Variants in OTC observed in about 807,000 individuals in gnomAD.
The protein encoded by OTC is ornithine transcarbamylase, also known as ornithine transcarbamylase, mitochondrial.
Under a neutral mutation model 30.3 loss-of-function variants are expected in OTC, and 3 were observed. The observed-to-expected ratio is 0.10, with a 90% CI of 0.05 to 0.26. The LOEUF is 0.26. OTC is among the 10% of genes least tolerant of loss of function. OTC has a pLI of 1.00. For missense variants in OTC, 194 were observed against 260.3 expected (o/e 0.75, Z 1.75); for synonymous variants, 111 against 99.7 (o/e 1.11, Z -0.67).
chrX:38,332,574 T>C, the OTC span, among the ~76,000 whole-genome samples: 1 of 96,535 alleles, frequency 1.0e-5, no homozygotes, highest in East Asian at 3.3e-4. Flanking sequence ...AAGGTGGTTG[T>C]GAAATATTAG....
At chrX:38,344,979 TGGA>T in the OTC span, among the ~76,000 whole-genome samples, 2 of 110,306 alleles carry the variant, frequency 1.8e-5, no homozygotes, top group Non-Finnish European at 3.8e-5. Flanking sequence ...AGTCTAAGGC[TGGA>T]GGACTGTTCA....
the OTC span, among the ~76,000 whole-genome samples, chrX:38,340,459 G>GTT: frequency 0.05 from 3,041 of 60,276 alleles, 102 homozygotes; most frequent in Non-Finnish European, 0.075. Context: ...TTGTTTTTTT[G>GTT]TTTTTTTTTT....
the OTC span, among the ~76,000 whole-genome samples, chrX:38,332,332 A>G: frequency 9.5e-6 from 1 of 105,278 alleles, no homozygotes; most frequent in African/African-American, 3.5e-5. Context: ...TAAAGTGCAC[A>G]ATGAATGTAA....
At chrX:38,350,215 G>T (rs749196439), upstream of OTC, among the ~76,000 whole-genome samples, 1 of 111,562 alleles carries the variant, frequency 9.0e-6, no homozygotes, top group Admixed American at 9.5e-5. Context: ...TGGGGTCAGA[G>T]AGCAGAGACA....
intron 4 of OTC, among the ~76,000 whole-genome samples, chrX:38,385,622 C>T (rs894007254): frequency 3.4e-4 from 38 of 111,353 alleles, no homozygotes; most frequent in African/African-American, 1.1e-3. Context: ...AGAAGGGAAG[C>T]CATTAATGTT....
At chrX:38,346,364 T>C in the OTC span, among the ~76,000 whole-genome samples, 2 of 112,318 alleles carry the variant, frequency 1.8e-5, no homozygotes, top group South Asian at 3.7e-4. Context: ...TGCAAAATGG[T>C]ATATTAACTC....
At chrX:38,364,040 G>A (rs1268843098) in intron 1 of OTC, among the ~76,000 whole-genome samples, 2 of 110,308 alleles carry the variant, frequency 1.8e-5, no homozygotes, top group East Asian at 2.8e-4. Context: ...GCAGGAAAAT[G>A]TCCTGAAACT....
intron 1 of OTC, among the ~76,000 whole-genome samples, chrX:38,356,634 G>A (rs775095142): frequency 4.9e-4 from 54 of 111,312 alleles, no homozygotes; most frequent in Non-Finnish European, 9.2e-4. Flanking sequence ...TCCTCCCAGT[G>A]TGCAGGTGGG....
At chrX:38,352,890 T>C (rs1376793244) in intron 1 of OTC, 117 bp downstream of exon 1, 3 of 554,447 alleles carry the variant, frequency 5.4e-6, no homozygotes, top group Admixed American at 2.6e-5. Context: ...TTTACTCTTA[T>C]TTGAGACAGC....
intron 2 of OTC, 65 bp downstream of exon 2, chrX:38,367,494 CAAAG>C: frequency 1.0e-6 from 1 of 988,913 alleles, no homozygotes; most frequent in Non-Finnish European, 1.4e-6. Context: ...GCAGCCTTCC[CAAAG>C]AAAGAGGGAA....
intron 4 of OTC, among the ~76,000 whole-genome samples, chrX:38,386,108 C>T: frequency 9.3e-6 from 1 of 107,848 alleles, no homozygotes; most frequent in Non-Finnish European, 1.9e-5. Context: ...GATGCAGTGG[C>T]TCATGCCTGT....
the OTC span, among the ~76,000 whole-genome samples, chrX:38,328,670 T>C: frequency 8.9e-6 from 1 of 111,859 alleles, no homozygotes; most frequent in Non-Finnish European, 1.9e-5. Flanking sequence ...CTAAAGACAA[T>C]GTGAAACCAC....
chrX:38,332,504 TTA>T, the OTC span, among the ~76,000 whole-genome samples: 2,644 of 39,290 alleles, frequency 0.067, 163 homozygotes, highest in Non-Finnish European at 0.094. Flanking sequence ...GCCCTAGATT[TTA>T]TATATATATA....
the OTC span, among the ~76,000 whole-genome samples, chrX:38,338,972 G>A: frequency 8.9e-6 from 1 of 112,092 alleles, no homozygotes; most frequent in African/African-American, 3.2e-5. Flanking sequence ...TGGATCATGT[G>A]CCCATGACCT....
At chrX:38,418,064 T>C (rs940858710) in intron 9 of OTC, among the ~76,000 whole-genome samples, 13 of 111,781 alleles carry the variant, frequency 1.2e-4, no homozygotes, top group Admixed American at 4.8e-4. Flanking sequence ...AATCTCTATA[T>C]CATTTTTTAT....
intron 9 of OTC, among the ~76,000 whole-genome samples, chrX:38,413,674 T>TTG (rs1555976846): frequency 3.8e-5 from 4 of 105,754 alleles, no homozygotes; most frequent in South Asian, 8.4e-4. Context: ...TATTTTTTTT[T>TTG]TTTGTTTTTT....
At chrX:38,332,894 T>C in the OTC span, among the ~76,000 whole-genome samples, 1 of 111,250 alleles carries the variant, frequency 9.0e-6, no homozygotes, top group African/African-American at 3.3e-5. Flanking sequence ...TTGGTTGCTG[T>C]AGCAGGGCAA....
At chrX:38,399,073 G>C (rs5917595) in intron 4 of OTC, among the ~76,000 whole-genome samples, 23,285 of 111,368 alleles carry the variant, frequency 0.21, 2,003 homozygotes, top group Middle Eastern at 0.29. Context: ...GCTTTGTCTA[G>C]TCTTGATATA....
At chrX:38,340,531 A>T in the OTC span, among the ~76,000 whole-genome samples, 2 of 86,456 alleles carry the variant, frequency 2.3e-5, no homozygotes, top group African/African-American at 9.3e-5. Flanking sequence ...AAGAGAAATT[A>T]TAAACCAGGA....
Sources: gnomAD v4.1 joint callset for allele counts (sites outside exome capture counted in the v4.1 genomes callset) on GRCh38, gnomAD v4.1.1 for gene constraint, MANE v1.5 for transcripts, NCBI Gene and HGNC (gene_info 2026-07-23, HGNC 2026-07-21) for gene names.